The following SLC22A6 variants were observed in gnomAD, a reference collection of about 807,000 sequenced individuals.
The protein encoded by SLC22A6 is solute carrier family 22 member 6.
SLC22A6 carries 45 observed loss-of-function variants against 56.7 expected under a neutral mutation model. That is an observed-to-expected ratio of 0.79 (90% CI 0.63 to 1.02). SLC22A6 has a LOEUF of 1.02. Ranked by LOEUF, SLC22A6 falls within the 50% of genes least tolerant of loss-of-function variation. The pLI is 0.00. For synonymous variants in SLC22A6, 291 were observed against 295.9 expected (o/e 0.98, Z 0.17); for missense variants, 606 against 713.8 (o/e 0.85, Z 1.72).
At chr11:62,976,943 G>T in intron 9 of SLC22A6, 62 bp from the exon 10 acceptor site, 1 of 1,586,040 alleles carries the variant, frequency 6.3e-7, no homozygotes, top group Non-Finnish European at 8.6e-7. Context: ...GCCGGGATAT[G>T]GAGGCTCCCA....
chr11:62,979,687 G>A (rs1351739862), intron 7 of SLC22A6, 47 bp downstream of exon 7: 8 of 1,597,670 alleles, frequency 5.0e-6, no homozygotes, highest in Non-Finnish European at 6.9e-6. Flanking sequence ...GGTTATGTGT[G>A]GGGATGGGGC....
chr11:62,977,204 C>G lies in SLC22A6; in HGVS notation c.1545G>C (p.Thr515=), dbSNP rs369693725. Residue 515 remains threonine (T), a synonymous_variant, in exon 9 of 10, where the codon ACG becomes ACC. Coordinates refer to ENST00000360421, the MANE Select transcript of SLC22A6 (RefSeq NM_153276.3). ...CCCACCTGCTCTCCAGGTCCTGCACCGTGTCTGGCAGTGGCTGGCCCAGGG... is the reference window on the plus strand; with the variant it reads ...CCCACCTGCTCTCCAGGTCCTGCACGGTGTCTGGCAGTGGCTGGCCCAGGG... ...PETLGQPLPD[T]VQDLESRKGK... 1 of 1,614,228 alleles carries G rather than the reference C, an allele frequency of 6.2e-7. No homozygotes were observed. The highest frequency in any genetic ancestry group is 1.7e-5 in the Admixed American group (1 of 60,026).
chr11:62,976,914 A>G (rs772587787), intron 9 of SLC22A6, 33 bp from the exon 10 acceptor site: 2 of 1,610,056 alleles, frequency 1.2e-6, no homozygotes, highest in East Asian at 4.5e-5. Flanking sequence ...CACTCTGGGT[A>G]TGCAGCCTCC....
Position 62,984,464 on chromosome 11 carries a change from T to C in SLC22A6, c.227A>G (p.Glu76Gly), listed in dbSNP as rs1040067762. ...WLPRDRQGQPESCLRFTSPQW... is the reference protein window; with the variant it reads ...WLPRDRQGQPGSCLRFTSPQW... ...CGGGGAGGTGAAGCGGAGGCAGGAC[T>C]CAGGCTGCCCCTGCCTGTCCCGGGG... The change falls in exon 1 of 10, where the codon GAG becomes GGG. Residue 76 changes from glutamate to glycine, a missense_variant. By Grantham distance (98) the Glu-to-Gly change is moderately conservative (BLOSUM62 -2). Coordinates refer to ENST00000360421, the MANE Select transcript of SLC22A6 (RefSeq NM_153276.3). The C allele has an allele frequency of 6.2e-7, 1 of 1,613,936 alleles. No individual in the cohort carries two copies. The highest frequency in any genetic ancestry group is 8.5e-7 in the Non-Finnish European group (1 of 1,179,984).
chr11:62,984,046 C>T lies in SLC22A6; in HGVS notation c.371G>A (p.Trp124Ter). The change falls in exon 2 of 10, where the codon TGG becomes TAG. Residue 124 changes from tryptophan to a stop codon, truncating the protein, a stop_gained and splice_region_variant. Coordinates refer to ENST00000360421, the MANE Select transcript of SLC22A6 (RefSeq NM_153276.3). LOFTEE classifies it high-confidence loss of function. ...GGCCCTGTGAGAGCACACAAGGTCC[C>T]ACTGTGGGGAGAGGAGCAAGGGTCA... ...STFPSTIVTE[W>*]DLVCSHRALR... The T allele has an allele frequency of 1.2e-6, 2 of 1,607,424 alleles. No individual in the cohort carries two copies. The highest frequency in any genetic ancestry group is 2.2e-5 in the East Asian group (1 of 44,744).
Position 62,981,264 on chromosome 11 carries a change from A to G in SLC22A6, c.917T>C (p.Met306Thr), listed in dbSNP as rs761347738. The stretch of plus-strand genomic sequence containing the variant: ...GGAAGTCTCAGGGGATCTCACCTCC[A>G]TACTCAATTTGGCTCCTTCTTCCCG... ...GKREEGAKLS[M>T]EVLRASLQKE... The change falls in exon 5 of 10, where the codon ATG (methionine) becomes ACG (threonine). Residue 306 changes from methionine to threonine, a missense_variant. By Grantham distance (81) the Met-to-Thr change is moderately conservative. Coordinates refer to ENST00000360421, the MANE Select transcript of SLC22A6 (RefSeq NM_153276.3). The G allele has an allele frequency of 3.1e-6, 5 of 1,609,782 alleles. No individual in the cohort carries two copies. Among genetic ancestry groups the G allele is most frequent in the East Asian group, 2.2e-5 (1 of 44,738 alleles).
chr11:62,981,742 A>G (rs1454472478), intron 4 of SLC22A6, 100 bp downstream of exon 4: 3 of 1,247,112 alleles, frequency 2.4e-6, no homozygotes, highest in Non-Finnish European at 3.3e-6. Context: ...CCTTCTCTAC[A>G]TTTGTGGGAT....
chr11:62,977,386 G>T lies in SLC22A6; in HGVS notation c.1363C>A (p.Gln455Lys), dbSNP rs746714785. The change falls in exon 9 of 10, where the codon CAG becomes AAG. Residue 455 changes from glutamine to lysine, a missense_variant and splice_region_variant. Gln to Lys is a moderately conservative substitution (Grantham distance 53). Transcript: ENST00000360421. ...TGELYPTMIRQTGMGMGSTMA... is the reference protein window; with the variant it reads ...TGELYPTMIRKTGMGMGSTMA... ...GTGCTGCCCATTCCCATGCCTGTCT[G>T]CCTGCAGGGCCCGCAGCAGATGGGT... 1 of 1,607,528 alleles carries T rather than the reference G, an allele frequency of 6.2e-7. No individual in the cohort carries two copies.
Position 62,978,590 on chromosome 11 carries a change from CTTT to C in SLC22A6, c.1361+895_1361+897del, listed in dbSNP as rs1230405831. Among the ~76,000 whole-genome samples, 298 of 102,596 alleles carry C rather than the reference CTTT, an allele frequency of 2.9e-3. 3 individuals carry two copies. The highest frequency in any genetic ancestry group is 9.5e-3 in the African/African-American group (258 of 27,044). The allele number at this position is 102,596 out of a possible 152,430, so 67.3% of individuals were successfully genotyped here. On this transcript the variant is annotated intron_variant, in intron 8 of 9. Coordinates refer to ENST00000360421, the MANE Select transcript of SLC22A6 (RefSeq NM_153276.3). ...TGGTCTTGCAGGATGGTCTTGATCT[CTTT>C]TTTTTTTTTTTTTTTTGAGATGGAG...
chr11:62,977,144 C>G, intron 9 of SLC22A6, 40 bp downstream of exon 9: 2 of 1,614,090 alleles, frequency 1.2e-6, no homozygotes, highest in Non-Finnish European at 1.7e-6. Context: ...GCATGTGTTA[C>G]CTGGGATATA....
chr11:62,976,959 T>C, intron 9 of SLC22A6, 78 bp from the exon 10 acceptor site: 1 of 1,535,360 alleles, frequency 6.5e-7, no homozygotes, highest in South Asian at 1.1e-5. Flanking sequence ...TCCCAGGGGG[T>C]CTCCGCTCAG....
Position 62,984,843 on chromosome 11 carries a change from G to C in SLC22A6, c.-153C>G, listed in dbSNP as rs752245971. Reference sequence around the variant, plus strand: ...GGGAGCTGAGTCCGAGCTGCTCTGTGGGGGGACAGCAGCCTCCTTGGCTGC... The same window carrying C: ...GGGAGCTGAGTCCGAGCTGCTCTGTCGGGGGACAGCAGCCTCCTTGGCTGC... On this transcript the variant is annotated 5_prime_UTR_variant, in exon 1 of 10. Coordinates refer to ENST00000360421, the MANE Select transcript of SLC22A6 (RefSeq NM_153276.3). The C allele has an allele frequency of 3.9e-4, 289 of 736,088 alleles. No individual in the cohort carries two copies. Among genetic ancestry groups the C allele is most frequent in the Non-Finnish European group, 5.8e-4 (269 of 460,584 alleles). 45.6% of individuals were successfully genotyped at this position (736,088 alleles called of 1,614,324 possible).
chr11:62,977,620 C>T (rs959796101), intron 8 of SLC22A6, among the ~76,000 whole-genome samples: 1 of 152,198 alleles, frequency 6.6e-6, no homozygotes, highest in Non-Finnish European at 1.5e-5. Flanking sequence ...GGTCCTCCCC[C>T]ACCACAGCTG....
chr11:62,979,466 C>T (rs754396369), intron 8 of SLC22A6, 22 bp downstream of exon 8: 3 of 1,438,178 alleles, frequency 2.1e-6, no homozygotes, highest in Non-Finnish European at 2.0e-6. Flanking sequence ...GGCTGTCATT[C>T]TCCCATTAGG....
Position 62,983,458 on chromosome 11 carries a change from G to A in SLC22A6, c.628+79C>T. The stretch of plus-strand genomic sequence containing the variant: ...TGGAGGGCAGGCAGGGCTCAGGAGG[G>A]GCAGGCTGGGAGGGGAGGCTGGAAA... On this transcript the variant is annotated intron_variant, in intron 3 of 9. Transcript: ENST00000360421. The surrounding 1 kb of genome is among the most constrained non-coding windows in gnomAD (Gnocchi z 4.5). 6.9e-7 allele frequency: 1 copy of A among 1,453,538 alleles called. No homozygotes were observed. The highest frequency in any genetic ancestry group is 9.4e-7 in the Non-Finnish European group (1 of 1,066,930). 90.0% of individuals were successfully genotyped at this position (1,453,538 alleles called of 1,614,324 possible).
Position 62,981,984 on chromosome 11 carries a change from G to A in SLC22A6, c.655C>T (p.Arg219Trp), listed in dbSNP as rs762078510. The change falls in exon 4 of 10, where the codon CGG becomes TGG. Residue 219 changes from arginine to tryptophan, a missense_variant. Coordinates refer to ENST00000360421, the MANE Select transcript of SLC22A6 (RefSeq NM_153276.3). The stretch of plus-strand genomic sequence containing the variant: ...CCAATCAAGGTGCCCACGCAGGCCC[G>A]TGTGTGAATGGGCATCCACTCCACA... The part of the protein sequence containing the change: ...LNVEWMPIHT[R>W]ACVGTLIGYV... 7 of 1,613,850 alleles carry A rather than the reference G, an allele frequency of 4.3e-6. No homozygotes were observed. Among genetic ancestry groups the A allele is most frequent in the East Asian group, 2.2e-5 (1 of 44,892 alleles).
chr11:62,979,451 G>C (rs766684887), intron 8 of SLC22A6, 37 bp downstream of exon 8: 2 of 1,330,764 alleles, frequency 1.5e-6, no homozygotes. Flanking sequence ...CTTTCCCCAG[G>C]AAAAGGCTGT....
Position 62,981,100 on chromosome 11 carries a change from C to A in SLC22A6, c.922G>T (p.Val308Leu). 6.2e-7 allele frequency: 1 copy of A among 1,611,082 alleles called. No homozygotes were observed. Among genetic ancestry groups the A allele is most frequent in the Non-Finnish European group, 8.5e-7 (1 of 1,178,070 alleles). ...REEGAKLSMEVLRASLQKELT... is the reference protein window; with the variant it reads ...REEGAKLSMELLRASLQKELT... Reference sequence around the variant, plus strand: ...TCCTTCTGCAGACTGGCCCGGAGTACCTGCTGGGACCGGCAGAGCTCAGGG... The same window carrying A: ...TCCTTCTGCAGACTGGCCCGGAGTAACTGCTGGGACCGGCAGAGCTCAGGG... The change falls in exon 6 of 10, where the codon GTA (valine) becomes TTA (leucine). Residue 308 changes from valine (V) to leucine (L), a missense_variant and splice_region_variant. Transcript: ENST00000360421.
At chr11:62,977,409 G>A in intron 8 of SLC22A6, 22 bp from the exon 9 acceptor site, 1 of 1,596,724 alleles carries the variant, frequency 6.3e-7, no homozygotes, top group South Asian at 1.1e-5. Context: ...GCAGCAGATG[G>A]GTGTTGGTTA....
Sources: gnomAD v4.1 joint callset for allele counts (sites outside exome capture counted in the v4.1 genomes callset) on GRCh38, gnomAD v4.1.1 for gene constraint, Gnocchi (gnomAD v3.1) non-coding constraint, MANE v1.5 for transcripts, NCBI Gene and HGNC (gene_info 2026-07-23, HGNC 2026-07-21) for gene names.